SPP2: variants seen among roughly 807,000 people sequenced by gnomAD.
The protein encoded by SPP2 is secreted phosphoprotein 2, also known as secreted phosphoprotein 24.
A neutral mutation model predicts 28.8 loss-of-function variants in SPP2; 34 were observed. That is an observed-to-expected ratio of 1.18 (90% CI 0.90 to 1.57). SPP2 has a LOEUF of 1.57. Among genes scored for constraint, SPP2 ranks in the 40% most tolerant of loss-of-function variants. The pLI, the probability that SPP2 is intolerant of heterozygous loss-of-function variation, is 0.00. For missense variants in SPP2, 269 were observed against 263.9 expected, an observed-to-expected ratio of 1.02 and a Z score of -0.13; for synonymous variants, 96 against 89.4, an observed-to-expected ratio of 1.07 and a Z score of -0.42.
intron 7 of SPP2, among the ~76,000 whole-genome samples, chr2:234,071,755 A>G (rs1690791600): frequency 6.6e-6 from 1 of 152,168 alleles, no homozygotes; most frequent in South Asian, 2.1e-4. Flanking sequence ...TCAGCTCCTG[A>G]GGCACTGAGG....
chr2:234,051,794 G>T (rs765158413), intron 2 of SPP2, among the ~76,000 whole-genome samples: 1 of 152,138 alleles, frequency 6.6e-6, no homozygotes, highest in Non-Finnish European at 1.5e-5. Context: ...CTATAAAGTT[G>T]CACATCTTAG....
chr2:234,053,814 TGGCCCTATGCTG>T (rs1210270123), intron 2 of SPP2, among the ~76,000 whole-genome samples: 2 of 151,710 alleles, frequency 1.3e-5, no homozygotes, highest in African/African-American at 4.8e-5. Flanking sequence ...AGGTGGGCAT[TGGCCCTATGCTG>T]GGCCCTATGC....
At chr2:234,054,625 A>T (rs1301691805) in intron 2 of SPP2, among the ~76,000 whole-genome samples, 2 of 152,138 alleles carry the variant, frequency 1.3e-5, no homozygotes, top group South Asian at 2.1e-4. Context: ...AAGGATGCTA[A>T]TCCCACTTAT....
chr2:234,060,315 C>A, intron 3 of SPP2, 54 bp from the exon 4 acceptor site: 1 of 1,209,496 alleles, frequency 8.3e-7, no homozygotes, highest in Non-Finnish European at 1.2e-6. Flanking sequence ...TCAATGGAGG[C>A]TATCCCTTTC....
At chr2:234,052,811 G>A (rs1693525072) in intron 2 of SPP2, among the ~76,000 whole-genome samples, 1 of 152,110 alleles carries the variant, frequency 6.6e-6, no homozygotes, top group African/African-American at 2.4e-5. Context: ...TTCTCCCACT[G>A]GAAGGGAGAT....
chr2:234,068,603 G>A (rs1265010151), intron 6 of SPP2, among the ~76,000 whole-genome samples: 3 of 151,186 alleles, frequency 2.0e-5, no homozygotes, highest in African/African-American at 7.3e-5. Context: ...TCTCATCCAA[G>A]TTGTCACTTT....
At chr2:234,070,985 G>C (rs1690766034) in intron 7 of SPP2, among the ~76,000 whole-genome samples, 1 of 152,130 alleles carries the variant, frequency 6.6e-6, no homozygotes, top group African/African-American at 2.4e-5. Flanking sequence ...GGGTGTCCCT[G>C]AAACTCAACT....
intron 7 of SPP2, among the ~76,000 whole-genome samples, chr2:234,070,493 C>A (rs534254977): frequency 1.3e-5 from 2 of 152,124 alleles, no homozygotes; most frequent in Non-Finnish European, 2.9e-5. Context: ...GGGAGTTTCG[C>A]TCTTGTTGCC....
At chr2:234,067,088 G>C in intron 5 of SPP2, 136 bp from the exon 6 acceptor site, 1 of 843,152 alleles carries the variant, frequency 1.2e-6, no homozygotes, top group African/African-American at 1.7e-5. Context: ...TATTAGTGCT[G>C]ACGGCAATAA....
At chr2:234,053,197 G>C (rs761685388) in intron 2 of SPP2, among the ~76,000 whole-genome samples, 1 of 152,186 alleles carries the variant, frequency 6.6e-6, no homozygotes, top group Non-Finnish European at 1.5e-5. Flanking sequence ...ACTGCCGCTC[G>C]AGAGTTTGGA....
At chr2:234,051,450 C>G (rs913730831) in intron 2 of SPP2, among the ~76,000 whole-genome samples, 1 of 152,184 alleles carries the variant, frequency 6.6e-6, no homozygotes, top group African/African-American at 2.4e-5. Context: ...TTCAGCAGTT[C>G]TGCTCCTAAT....
chr2:234,054,039 C>T (rs1272970777), intron 2 of SPP2, among the ~76,000 whole-genome samples: 19 of 152,176 alleles, frequency 1.2e-4, no homozygotes, highest in Admixed American at 1.2e-3. Flanking sequence ...ACATGATAGG[C>T]CTTGCCTGGG....
intron 4 of SPP2, among the ~76,000 whole-genome samples, chr2:234,065,282 G>GT (rs1202835678): frequency 1.3e-5 from 2 of 151,694 alleles, no homozygotes; most frequent in East Asian, 1.9e-4. Flanking sequence ...TCTCATTGTA[G>GT]TTTTTTTTGT....
At chr2:234,074,441 T>C (rs1242651568) in intron 7 of SPP2, among the ~76,000 whole-genome samples, 3 of 152,202 alleles carry the variant, frequency 2.0e-5, no homozygotes, top group Non-Finnish European at 4.4e-5. Flanking sequence ...CAACTTCTTG[T>C]CATGGTCTCC....
intron 6 of SPP2, among the ~76,000 whole-genome samples, chr2:234,068,452 C>G (rs1693870720): frequency 6.6e-6 from 1 of 152,218 alleles, no homozygotes; most frequent in African/African-American, 2.4e-5. Flanking sequence ...TGATGTTCAG[C>G]ATTCCCCATT....
At chr2:234,075,720 A>T (rs28904017) in intron 7 of SPP2, among the ~76,000 whole-genome samples, 5,839 of 151,964 alleles carry the variant, frequency 0.038, 190 homozygotes, top group Admixed American at 0.085. Context: ...CTGTCTGGGG[A>T]TTCTTCCCCC....
chr2:234,054,004 A>AAGCACTCATTT (rs1693554283), intron 2 of SPP2, among the ~76,000 whole-genome samples: 1 of 152,194 alleles, frequency 6.6e-6, no homozygotes, highest in Non-Finnish European at 1.5e-5. Context: ...AGTGGAGAGT[A>AAGCACTCATTT]CCGTAGAGGA....
intron 3 of SPP2, 41 bp from the exon 4 acceptor site, chr2:234,060,328 C>A: frequency 6.9e-7 from 1 of 1,443,282 alleles, no homozygotes; most frequent in Non-Finnish European, 9.7e-7. Flanking sequence ...TCCCTTTCCA[C>A]AAACAGCTGA....
chr2:234,075,430 T>A (rs1414568187), intron 7 of SPP2, among the ~76,000 whole-genome samples: 1 of 152,282 alleles, frequency 6.6e-6, no homozygotes, highest in East Asian at 1.9e-4. Context: ...CCCTGCTCTG[T>A]AGCCACTTCA....
Sources: allele counts gnomAD v4.1 joint callset (sites outside exome capture counted in the v4.1 genomes callset), GRCh38; gene constraint gnomAD v4.1.1; transcripts MANE v1.5; gene names NCBI Gene and HGNC (gene_info 2026-07-23, HGNC 2026-07-21).